Variants in FLT1 observed in about 807,000 individuals in gnomAD.
FLT1 encodes the protein vascular endothelial growth factor receptor 1.
FLT1 carries 49 observed loss-of-function variants against 156.3 expected under a neutral mutation model. That is an observed-to-expected ratio of 0.31 (90% CI 0.25 to 0.40). The LOEUF (loss-of-function observed/expected upper bound fraction) is 0.40, where lower values mean the gene tolerates loss of function less well. Among genes scored for constraint, FLT1 ranks in the 10% least tolerant of loss-of-function variants. FLT1 has a pLI of 1.00. For missense variants in FLT1, 1,322 were observed against 1,637.2 expected (o/e 0.81, Z 3.32); for synonymous variants, 594 against 583.8 (o/e 1.02, Z -0.25).
intron 15 of FLT1, among the ~76,000 whole-genome samples, chr13:28,353,449 T>G (rs1240320343): frequency 2.0e-5 from 3 of 151,744 alleles, no homozygotes; most frequent in Non-Finnish European, 2.9e-5. Flanking sequence ...GGCACACGCC[T>G]GTAATCCCAG....
At chr13:28,436,378 G>A (rs1469195152) in intron 4 of FLT1, among the ~76,000 whole-genome samples, 2 of 152,244 alleles carry the variant, frequency 1.3e-5, no homozygotes, top group Non-Finnish European at 2.9e-5. Flanking sequence ...TTAACTTCAT[G>A]TCAGCAGAAA....
chr13:28,379,560 G>A (rs1054714746), intron 14 of FLT1, among the ~76,000 whole-genome samples: 3 of 152,178 alleles, frequency 2.0e-5, no homozygotes, highest in African/African-American at 7.2e-5. Context: ...GCCTGACAGC[G>A]GTGCTGGGAG....
At chr13:28,404,054 A>AAG (rs1555235424) in intron 11 of FLT1, among the ~76,000 whole-genome samples, 71 of 151,488 alleles carry the variant, frequency 4.7e-4, no homozygotes, top group South Asian at 2.5e-3. Flanking sequence ...AAAAAAAAAA[A>AAG]AAAGAAAGAA....
At position 28,322,700 on chromosome 13, in the gene FLT1, T is replaced by C; in HGVS notation, c.2953+90A>G. The stretch of plus-strand genomic sequence containing the variant: ...ATTCGAGTCTCCCACGGATGTTTAT[T>C]AGAGTGATAAATAAGAAAAAAATTT... On this transcript the variant is annotated intron_variant, in intron 21 of 29. Coordinates refer to ENST00000282397, the MANE Select transcript of FLT1 (RefSeq NM_002019.4). This position sits in a 1 kb window ranked among gnomAD's most constrained non-coding sequence, Gnocchi z 4.3. The C allele has an allele frequency of 8.7e-7, 1 of 1,155,002 alleles. No homozygotes were observed. Among genetic ancestry groups the C allele is most frequent in the Non-Finnish European group, 1.3e-6 (1 of 768,554 alleles). 71.5% of individuals were successfully genotyped at this position (1,155,002 alleles called of 1,614,324 possible).
intron 15 of FLT1, among the ~76,000 whole-genome samples, chr13:28,349,414 C>T (rs559675647): frequency 2.0e-5 from 3 of 147,510 alleles, no homozygotes; most frequent in Non-Finnish European, 3.0e-5. Flanking sequence ...AGGTTTAATG[C>T]GGCCTTGCTG....
intron 1 of FLT1, among the ~76,000 whole-genome samples, chr13:28,472,546 C>T (rs1436804847): frequency 6.6e-6 from 1 of 152,218 alleles, no homozygotes; most frequent in African/African-American, 2.4e-5. Flanking sequence ...TCGAACCCAA[C>T]TTCAAGACAA....
chr13:28,366,509 A>T (rs139351205), intron 14 of FLT1, among the ~76,000 whole-genome samples: 23 of 150,638 alleles, frequency 1.5e-4, no homozygotes, highest in African/African-American at 5.4e-4. Flanking sequence ...TGCTCTTGTT[A>T]TCCAGGCTGG....
intron 13 of FLT1, chr13:28,389,206 T>G (rs570597238): frequency 9.1e-7 from 1 of 1,099,962 alleles, no homozygotes; most frequent in African/African-American, 1.6e-5. Context: ...CAGGTGCTAT[T>G]TACAAATCAA....
chr13:28,383,129 A>G (rs1405093940), intron 14 of FLT1, among the ~76,000 whole-genome samples: 5 of 152,154 alleles, frequency 3.3e-5, no homozygotes, highest in Non-Finnish European at 5.9e-5. Context: ...TTTATGAAGC[A>G]GGCAATAGAC....
At chr13:28,475,319 T>C (rs543339099) in intron 1 of FLT1, among the ~76,000 whole-genome samples, 1 of 152,366 alleles carries the variant, frequency 6.6e-6, no homozygotes, top group African/African-American at 2.4e-5. Flanking sequence ...TAAAGCTCTG[T>C]ATATTCCGTT....
At chr13:28,408,633 G>C (rs571948083) in intron 10 of FLT1, among the ~76,000 whole-genome samples, 3 of 152,142 alleles carry the variant, frequency 2.0e-5, no homozygotes, top group African/African-American at 4.8e-5. Flanking sequence ...ACTGTCTTGA[G>C]GGGGGAGGAA....
At chr13:28,433,001 A>G (rs1877788550) in intron 6 of FLT1, among the ~76,000 whole-genome samples, 2 of 152,252 alleles carry the variant, frequency 1.3e-5, no homozygotes, top group African/African-American at 4.8e-5. Context: ...CATGGCGAGA[A>G]ATGTCGATGA....
chr13:28,397,523 T>C (rs1875120637), intron 11 of FLT1, among the ~76,000 whole-genome samples: 1 of 152,016 alleles, frequency 6.6e-6, no homozygotes, highest in Non-Finnish European at 1.5e-5. Flanking sequence ...GCATGTTAAG[T>C]GAGCAAGGAC....
intron 14 of FLT1, among the ~76,000 whole-genome samples, chr13:28,380,313 G>A (rs1874022779): frequency 6.6e-6 from 1 of 152,198 alleles, no homozygotes; most frequent in Non-Finnish European, 1.5e-5. Flanking sequence ...TGGCAGTTTT[G>A]AAGATACTCA....
intron 20 of FLT1, among the ~76,000 whole-genome samples, chr13:28,326,640 CT>C (rs1189760838): frequency 1.3e-5 from 2 of 150,960 alleles, no homozygotes; most frequent in African/African-American, 4.9e-5. Flanking sequence ...ATTCTCCTGC[CT>C]CAGCCTCCCT....
rs1210847580 is a variant in FLT1, at chr13:28,433,809, G to A, written c.813+10C>T. On this transcript the variant is annotated intron_variant, in intron 6 of 29. Coordinates refer to ENST00000282397, the MANE Select transcript of FLT1 (RefSeq NM_002019.4). ...GTCCTGCAGAAGAAATAGAAAAATG[G>A]GTCACTCACTTCATCAGGGTAACTC... 2 of 1,612,776 alleles carry A rather than the reference G, an allele frequency of 1.2e-6. No individual in the cohort carries two copies. Among genetic ancestry groups the A allele is most frequent in the Non-Finnish European group, 1.7e-6 (2 of 1,178,910 alleles).
At chr13:28,489,284 C>G (rs1451824705) in intron 1 of FLT1, among the ~76,000 whole-genome samples, 1 of 152,160 alleles carries the variant, frequency 6.6e-6, no homozygotes, top group Non-Finnish European at 1.5e-5. Flanking sequence ...AAATTTGTGT[C>G]TGAGATTGCT....
intron 3 of FLT1, among the ~76,000 whole-genome samples, chr13:28,451,305 C>A (rs1319634750): frequency 6.6e-6 from 1 of 152,230 alleles, no homozygotes; most frequent in Admixed American, 6.5e-5. Flanking sequence ...CACCTGTAGT[C>A]CCAGCTACTC....
intron 16 of FLT1, 65 bp downstream of exon 16, chr13:28,345,380 G>T: frequency 1.0e-6 from 1 of 958,460 alleles, no homozygotes; most frequent in Non-Finnish European, 1.7e-6. Flanking sequence ...GCCTACTCTA[G>T]ACATCAGATC....
Sources: gnomAD v4.1 joint callset for allele counts (sites outside exome capture counted in the v4.1 genomes callset) on GRCh38, gnomAD v4.1.1 for gene constraint, Gnocchi (gnomAD v3.1) non-coding constraint, MANE v1.5 for transcripts, NCBI Gene and HGNC (gene_info 2026-07-23, HGNC 2026-07-21) for gene names.